Variants in RASAL2 observed in about 807,000 individuals in gnomAD.
RASAL2 encodes the protein RAS protein activator like 2.
Under a neutral mutation model 128.9 loss-of-function variants are expected in RASAL2, and 58 were observed. The observed-to-expected ratio is 0.45, with a 90% confidence interval of 0.36 to 0.56. The LOEUF (loss-of-function observed/expected upper bound fraction) is 0.56. RASAL2 is among the 20% of genes least tolerant of loss of function. RASAL2 has a pLI of 0.00. For synonymous variants in RASAL2, 561 were observed against 580.8 expected, an observed-to-expected ratio of 0.97 and a Z score of 0.49; for missense variants, 1,360 against 1,601.6, an observed-to-expected ratio of 0.85 and a Z score of 2.57.
chr1:178,226,931 C>G (rs1195207609), intron 1 of RASAL2, among the ~76,000 whole-genome samples: 1 of 152,086 alleles, frequency 6.6e-6, no homozygotes, highest in African/African-American at 2.4e-5. Context: ...CAGAATGAGA[C>G]TGTCTCAGAA....
chr1:178,169,028 T>C (rs1661613205), intron 1 of RASAL2, among the ~76,000 whole-genome samples: 2 of 152,120 alleles, frequency 1.3e-5, no homozygotes. Flanking sequence ...TCATCTTTTA[T>C]TGAGGCAGTA....
chr1:178,168,965 C>T (rs1244477915), intron 1 of RASAL2, among the ~76,000 whole-genome samples: 1 of 151,966 alleles, frequency 6.6e-6, no homozygotes, highest in Non-Finnish European at 1.5e-5. Flanking sequence ...TTTTATGTAA[C>T]ATTGAAGATG....
intron 3 of RASAL2, among the ~76,000 whole-genome samples, chr1:178,371,322 C>CCCCACACACACACA (rs796822835): frequency 8.0e-6 from 1 of 124,372 alleles, no homozygotes; most frequent in Non-Finnish European, 1.8e-5. Flanking sequence ...GCCTTCTTTC[C>CCCCACACACACACA]CACACACACA....
At chr1:178,131,773 G>A (rs2102305360) in intron 1 of RASAL2, among the ~76,000 whole-genome samples, 1 of 152,198 alleles carries the variant, frequency 6.6e-6, no homozygotes, top group South Asian at 2.1e-4. Context: ...GTGAGTAGCT[G>A]AATGCTACTG....
chr1:178,467,147 T>C (rs1246083508), intron 16 of RASAL2, among the ~76,000 whole-genome samples, 187 bp from the exon 17 acceptor site: 1 of 152,072 alleles, frequency 6.6e-6, no homozygotes, highest in Non-Finnish European at 1.5e-5. Flanking sequence ...GAGATGAAAA[T>C]GTGTGGGATC....
chr1:178,462,334 G>A (rs970749843), intron 14 of RASAL2, among the ~76,000 whole-genome samples: 1 of 152,022 alleles, frequency 6.6e-6, no homozygotes. Context: ...AGATAATCCA[G>A]AATAATAAAT....
At chr1:178,354,209 A>C (rs1670672007) in intron 3 of RASAL2, among the ~76,000 whole-genome samples, 1 of 152,244 alleles carries the variant, frequency 6.6e-6, no homozygotes, top group Non-Finnish European at 1.5e-5. Flanking sequence ...ATTTAATATT[A>C]GAAAGTTAGA....
Position 178,449,540 on chromosome 1 carries a change from C to G in RASAL2, c.1628-2031C>G, listed in dbSNP as rs147983268. Among the ~76,000 whole-genome samples the G allele has an allele frequency of 7.0e-3, 1,068 of 152,084 alleles. 12 individuals carry two copies. Among genetic ancestry groups the G allele is most frequent in the African/African-American group, 0.024 (990 of 41,528 alleles). ...CAAACTTAACATGTAAACAACATAA[C>G]AAGCACCCCCTTTGGCTCTGGTTTT... On this transcript the variant is annotated intron_variant, in intron 9 of 17. Coordinates refer to ENST00000367649, the MANE Select transcript of RASAL2 (RefSeq NM_170692.4).
rs574243591 is a variant in RASAL2 at position 178,313,108 on chromosome 1, T to A, written c.457+12990T>A. On this transcript the variant is annotated intron_variant, in intron 3 of 17. Transcript: ENST00000367649. ...CCTGACCACTATGCTACAGTCTACA[T>A]AGGATTTACTCTGTGGCTGGAGTCT... Among the ~76,000 whole-genome samples, 11 of 152,324 alleles carry A rather than the reference T, an allele frequency of 7.2e-5. 1 individual carries two copies. Among genetic ancestry groups the A allele is most frequent in the African/African-American group, 2.2e-4 (9 of 41,574 alleles).
chr1:178,409,501 A>G (rs1674220324), intron 4 of RASAL2, among the ~76,000 whole-genome samples: 1 of 152,208 alleles, frequency 6.6e-6, no homozygotes, highest in South Asian at 2.1e-4. Flanking sequence ...AGAGAATATG[A>G]GCAGTGGTAA....
In RASAL2 at chr1:178,477,597, T is replaced by A. The variant is rs922323156; in HGVS notation, c.*4358T>A. On this transcript the variant is annotated 3_prime_UTR_variant, in exon 18 of 18. Transcript: ENST00000367649. The stretch of plus-strand genomic sequence containing the variant: ...TTTCCAGGAAACAGGAATATTTATA[T>A]CCCTTGCCCACTCTTAAAATACATA... The A allele has an allele frequency of 1.2e-4, 19 of 152,154 alleles. No homozygotes were observed. Among genetic ancestry groups the A allele is most frequent in the African/African-American group, 4.1e-4 (17 of 41,438 alleles). The allele number at this position is 152,154 out of a possible 1,614,324, so 9.4% of individuals were successfully genotyped here.
At chr1:178,170,771 G>A (rs777378832) in intron 1 of RASAL2, among the ~76,000 whole-genome samples, 2 of 151,410 alleles carry the variant, frequency 1.3e-5, no homozygotes, top group Non-Finnish European at 2.9e-5. Context: ...TTATTCATCA[G>A]CAATTCAACA....
intron 1 of RASAL2, among the ~76,000 whole-genome samples, chr1:178,212,537 G>T (rs545129691): frequency 1.3e-5 from 2 of 152,208 alleles, no homozygotes; most frequent in Admixed American, 1.3e-4. Flanking sequence ...TGTCGCTCAG[G>T]CTGGAGTGCA....
chr1:178,435,518 G>A (rs1676199659), intron 5 of RASAL2, among the ~76,000 whole-genome samples: 1 of 152,080 alleles, frequency 6.6e-6, no homozygotes, highest in Non-Finnish European at 1.5e-5. Flanking sequence ...ACTTTAGTGA[G>A]TAATAGAAAG....
At chr1:178,371,876 GTCTTTAT>G (rs1671737164) in intron 3 of RASAL2, among the ~76,000 whole-genome samples, 1 of 152,054 alleles carries the variant, frequency 6.6e-6, no homozygotes, top group South Asian at 2.1e-4. Flanking sequence ...TTCTTTGAGT[GTCTTTAT>G]TCTTTATTTT....
chr1:178,243,362 G>A (rs1248395883), intron 1 of RASAL2, among the ~76,000 whole-genome samples: 5 of 152,084 alleles, frequency 3.3e-5, no homozygotes, highest in Admixed American at 6.6e-5. Flanking sequence ...TGGGGAAAAT[G>A]AGGCTTCTTG....
intron 2 of RASAL2, among the ~76,000 whole-genome samples, chr1:178,286,926 G>A (rs111318761): frequency 1.3e-5 from 2 of 152,220 alleles, no homozygotes; most frequent in African/African-American, 4.8e-5. Context: ...ACAATTGTGT[G>A]CATATTACTC....
chr1:178,210,343 T>C (rs1367879598), intron 1 of RASAL2, among the ~76,000 whole-genome samples: 4 of 152,228 alleles, frequency 2.6e-5, no homozygotes, highest in Non-Finnish European at 5.9e-5. Flanking sequence ...TCTCTGTTAA[T>C]GTTTCTGTTA....
chr1:178,402,757 T>C (rs1433050250), intron 4 of RASAL2, among the ~76,000 whole-genome samples: 2 of 152,142 alleles, frequency 1.3e-5, no homozygotes, highest in Non-Finnish European at 2.9e-5. Flanking sequence ...TTTCAATAAC[T>C]AATAGGCTCA....
Sources: gnomAD v4.1 joint callset for allele counts (sites outside exome capture counted in the v4.1 genomes callset) on GRCh38, gnomAD v4.1.1 for gene constraint, MANE v1.5 for transcripts, NCBI Gene and HGNC (gene_info 2026-07-23, HGNC 2026-07-21) for gene names.